Variants in PCDH17 observed in about 807,000 individuals in gnomAD.
PCDH17 encodes the protein protocadherin 17, also known as protocadherin-17.
Under a neutral mutation model 67.7 loss-of-function variants are expected in PCDH17, and 21 were observed. The observed-to-expected ratio is 0.31, with a 90% CI of 0.22 to 0.45. The LOEUF (loss-of-function observed/expected upper bound fraction) is 0.45. Among genes scored for constraint, PCDH17 ranks in the 20% least tolerant of loss-of-function variants. The pLI is 1.00. For synonymous variants in PCDH17, 701 were observed against 656.7 expected, an observed-to-expected ratio of 1.07 and a Z score of -1.03; for missense variants, 1,471 against 1,564.8, an observed-to-expected ratio of 0.94 and a Z score of 1.01.
chr13:57,679,238 TTGA>T (rs1387617767), intron 3 of PCDH17, among the ~76,000 whole-genome samples: 4 of 151,396 alleles, frequency 2.6e-5, no homozygotes, highest in Admixed American at 2.0e-4. Flanking sequence ...ACAAGTTATA[TTGA>T]TGATGATTTA....
chr13:57,706,058 A>G (rs1325589002), intron 3 of PCDH17, among the ~76,000 whole-genome samples: 1 of 152,078 alleles, frequency 6.6e-6, no homozygotes, highest in Non-Finnish European at 1.5e-5. Context: ...TAGGTGTCAG[A>G]GAAAAAGCAT....
At chr13:57,705,177 C>T (rs1955709981) in intron 3 of PCDH17, among the ~76,000 whole-genome samples, 1 of 151,712 alleles carries the variant, frequency 6.6e-6, no homozygotes, top group Admixed American at 6.6e-5. Flanking sequence ...TGAGAAATGC[C>T]TTTGCTAATA....
chr13:57,669,606 C>A (rs1415538816), intron 3 of PCDH17, among the ~76,000 whole-genome samples: 2 of 152,016 alleles, frequency 1.3e-5, no homozygotes, highest in African/African-American at 4.8e-5. Context: ...TTACCACTTA[C>A]CATAAACAGT....
chr13:57,651,352 TGAG>T, intron 1 of PCDH17, among the ~76,000 whole-genome samples: 1 of 144,864 alleles, frequency 6.9e-6, no homozygotes, highest in Non-Finnish European at 1.5e-5. Context: ...GTGGTTTAAT[TGAG>T]GTTTTTTTTT....
intron 1 of PCDH17, among the ~76,000 whole-genome samples, chr13:57,647,605 A>T (rs549639216): frequency 1.3e-5 from 2 of 151,950 alleles, no homozygotes; most frequent in East Asian, 3.9e-4. Context: ...ATTGAGCAGT[A>T]TTATGTTTCT....
intron 3 of PCDH17, among the ~76,000 whole-genome samples, chr13:57,680,466 G>A (rs1341781845): frequency 1.3e-5 from 2 of 151,544 alleles, no homozygotes; most frequent in Non-Finnish European, 3.0e-5. Context: ...ATTTGTTAGG[G>A]TCAGATTATG....
chr13:57,662,041 T>G (rs1014182129), intron 1 of PCDH17, among the ~76,000 whole-genome samples: 1 of 152,002 alleles, frequency 6.6e-6, no homozygotes, highest in African/African-American at 2.4e-5. Context: ...TGTATTTTTC[T>G]TTTAGTAGAC....
chr13:57,724,524 A>G, intron 3 of PCDH17, 88 bp from the exon 4 acceptor site: 1 of 1,024,416 alleles, frequency 9.8e-7, no homozygotes, highest in Admixed American at 2.4e-5. Context: ...GAGGTCAAGC[A>G]AGCCCATTGA....
At chr13:57,690,493 G>A (rs1037741516) in intron 3 of PCDH17, among the ~76,000 whole-genome samples, 4 of 151,632 alleles carry the variant, frequency 2.6e-5, no homozygotes, top group African/African-American at 4.8e-5. Context: ...TTAATGATGT[G>A]TAAGGGAGTT....
chr13:57,718,096 C>G (rs972222918), intron 3 of PCDH17, among the ~76,000 whole-genome samples: 3 of 151,924 alleles, frequency 2.0e-5, no homozygotes, highest in Non-Finnish European at 4.4e-5. Flanking sequence ...GATTAAGAAA[C>G]AACATGTATC....
rs546887772 is a variant in PCDH17, at chr13:57,725,602, T to A, written c.*308T>A. On this transcript the variant is annotated 3_prime_UTR_variant, in exon 4 of 4. Coordinates refer to ENST00000377918, the MANE Select transcript of PCDH17 (RefSeq NM_001040429.3). ...GAGGATGAGGAGAAGAATTACCTTT[T>A]GACAATCTGTTAGGAAGGTATGCAG... 4 of 287,990 alleles carry A rather than the reference T, an allele frequency of 1.4e-5. No homozygotes were observed. In the East Asian group the frequency reaches 2.9e-4, roughly 21 times the overall value. 17.8% of individuals were successfully genotyped at this position (287,990 alleles called of 1,614,324 possible).
At chr13:57,706,616 A>T (rs2138082946) in intron 3 of PCDH17, among the ~76,000 whole-genome samples, 1 of 152,228 alleles carries the variant, frequency 6.6e-6, no homozygotes, top group East Asian at 1.9e-4. Context: ...TCTTCATTTC[A>T]TCCCATCTCT....
chr13:57,634,250 G>C lies in PCDH17; in HGVS notation c.1704G>C (p.Thr568=). ...GAPAHLESNA[T]VRVTVLDVND... is the part of the protein sequence containing the mutation. ...CCGCGCACTTGGAGAGCAACGCCAC[G>C]GTGAGGGTGACAGTGCTAGACGTGA... The change falls in exon 1 of 4, where the codon ACG becomes ACC. Residue 568 remains threonine (T), a synonymous_variant. Coordinates refer to ENST00000377918, the MANE Select transcript of PCDH17 (RefSeq NM_001040429.3). This position sits in a 1 kb window ranked among gnomAD's most constrained non-coding sequence, Gnocchi z 7.8. 1.9e-6 allele frequency: 3 copies of C among 1,613,268 alleles called. No individual in the cohort carries two copies. The highest frequency in any genetic ancestry group is 2.5e-6 in the Non-Finnish European group (3 of 1,180,030).
rs143541637 is a variant in PCDH17, at chr13:57,639,081, T to C, written c.2565+3970T>C. Among the ~76,000 whole-genome samples the C allele has an allele frequency of 3.4e-3, 524 of 152,158 alleles. 3 individuals carry two copies. The highest frequency in any genetic ancestry group is 0.012 in the African/African-American group (491 of 41,566). On this transcript the variant is annotated intron_variant, in intron 1 of 3. Coordinates refer to ENST00000377918, the MANE Select transcript of PCDH17 (RefSeq NM_001040429.3). ...TGCATTAGTTTCCATAAACTATATA[T>C]ACATCTCTACTTGTAGGCATTCTGG...
At chr13:57,660,140 C>A (rs1330153896) in intron 1 of PCDH17, among the ~76,000 whole-genome samples, 2 of 152,114 alleles carry the variant, frequency 1.3e-5, no homozygotes, top group African/African-American at 2.4e-5. Flanking sequence ...CAATTACTTG[C>A]GCGGCTGAGG....
intron 3 of PCDH17, among the ~76,000 whole-genome samples, chr13:57,698,256 CACAT>C (rs1300720104): frequency 2.6e-5 from 4 of 151,490 alleles, no homozygotes; most frequent in African/African-American, 7.3e-5. Context: ...TACACACACA[CACAT>C]AGAGTTTGTC....
At chr13:57,697,358 A>G (rs1042027177) in intron 3 of PCDH17, among the ~76,000 whole-genome samples, 21 of 151,692 alleles carry the variant, frequency 1.4e-4, no homozygotes, top group Non-Finnish European at 4.4e-5. Context: ...TTTTTCCTCA[A>G]GAGATACTGG....
chr13:57,708,412 T>C (rs1303866525), intron 3 of PCDH17, among the ~76,000 whole-genome samples: 1 of 152,000 alleles, frequency 6.6e-6, no homozygotes, highest in African/African-American at 2.4e-5. Context: ...ACAAACATAA[T>C]AACAAGGTAA....
intron 3 of PCDH17, among the ~76,000 whole-genome samples, chr13:57,675,117 G>A (rs1387386778): frequency 1.3e-5 from 2 of 151,908 alleles, no homozygotes; most frequent in East Asian, 1.9e-4. Flanking sequence ...GAAATCTGAA[G>A]ATGTAAGTGG....
Sources: allele counts gnomAD v4.1 joint callset (sites outside exome capture counted in the v4.1 genomes callset), GRCh38; gene constraint gnomAD v4.1.1; non-coding constraint Gnocchi (gnomAD v3.1); transcripts MANE v1.5; gene names NCBI Gene and HGNC (gene_info 2026-07-23, HGNC 2026-07-21).